Variants in HYCC2 observed in about 807,000 individuals in gnomAD.
HYCC2 encodes hyccin PI4KA lipid kinase complex subunit 2, also known as hyccin 2.
chr2:201,040,532 AG>A, the HYCC2 span, among the ~76,000 whole-genome samples: 1 of 149,880 alleles, frequency 6.7e-6, no homozygotes, highest in African/African-American at 2.5e-5. Context: ...TCTGTTGCCC[AG>A]GCTGGAGTGC....
chr2:201,021,020 G>A, the HYCC2 span, among the ~76,000 whole-genome samples: 5 of 152,052 alleles, frequency 3.3e-5, no homozygotes, highest in East Asian at 1.9e-4. Flanking sequence ...ACTCCGCTCC[G>A]CCTCCCAAAG....
At chr2:200,981,919 A>C in the HYCC2 span, 27 of 1,540,964 alleles carry the variant, frequency 1.8e-5, no homozygotes, top group East Asian at 4.5e-5. This position sits in a 1 kb window ranked among gnomAD's most constrained non-coding sequence, Gnocchi z 4.5. Context: ...ATTAAATAAG[A>C]AGCAGCTGTG....
At chr2:201,040,549 C>CA in the HYCC2 span, among the ~76,000 whole-genome samples, 2 of 150,856 alleles carry the variant, frequency 1.3e-5, no homozygotes, top group African/African-American at 4.9e-5. Context: ...AGTGCAGTGG[C>CA]AAAATCTCAG....
At chr2:201,040,932 C>A in the HYCC2 span, among the ~76,000 whole-genome samples, 1 of 152,110 alleles carries the variant, frequency 6.6e-6, no homozygotes, top group Non-Finnish European at 1.5e-5. Flanking sequence ...TCCTGAGGAT[C>A]ACATTTTGAT....
At chr2:200,976,388 T>C in the HYCC2 span, 1 of 152,192 alleles carries the variant, frequency 6.6e-6, no homozygotes, top group Non-Finnish European at 1.5e-5. Context: ...TGGACAGATA[T>C]TCCTTGCCAG....
At chr2:200,997,796 G>C in the HYCC2 span, among the ~76,000 whole-genome samples, 1 of 152,168 alleles carries the variant, frequency 6.6e-6, no homozygotes. Flanking sequence ...CCAGCACTTT[G>C]GGAGGCCGAA....
chr2:200,988,026 C>A, the HYCC2 span, among the ~76,000 whole-genome samples: 1 of 151,802 alleles, frequency 6.6e-6, no homozygotes. Flanking sequence ...CAAAAAAAGA[C>A]AAAATTTAAC....
chr2:201,017,474 C>T, the HYCC2 span, among the ~76,000 whole-genome samples: 1 of 151,972 alleles, frequency 6.6e-6, no homozygotes, highest in Admixed American at 6.6e-5. Flanking sequence ...AAGAATTTTC[C>T]TTTCTATTCT....
the HYCC2 span, among the ~76,000 whole-genome samples, chr2:201,034,780 G>C: frequency 6.6e-6 from 1 of 152,230 alleles, no homozygotes; most frequent in Non-Finnish European, 1.5e-5. Context: ...CTTCCTTCAG[G>C]AGCTCTTTTA....
At chr2:200,975,312 T>C in the HYCC2 span, 6 of 151,978 alleles carry the variant, frequency 3.9e-5, no homozygotes, top group Admixed American at 2.6e-4. Context: ...CTTTGGTAAA[T>C]TTTGTAATCA....
At chr2:200,981,294 AT>A in the HYCC2 span, 1 of 1,613,798 alleles carries the variant, frequency 6.2e-7, no homozygotes, top group Non-Finnish European at 8.5e-7. The surrounding 1 kb of genome is among the most constrained non-coding windows in gnomAD (Gnocchi z 4.5). Context: ...TTAGCTGCAT[AT>A]TGAAACTTGG....
chr2:201,012,445 G>A, the HYCC2 span, among the ~76,000 whole-genome samples: 5 of 152,126 alleles, frequency 3.3e-5, no homozygotes, highest in Non-Finnish European at 7.4e-5. Flanking sequence ...GGGTGACAGA[G>A]TGACACCCTG....
chr2:200,981,557 C>T, the HYCC2 span: 1 of 1,614,206 alleles, frequency 6.2e-7, no homozygotes, highest in East Asian at 2.2e-5. The surrounding 1 kb of genome is among the most constrained non-coding windows in gnomAD (Gnocchi z 4.5). Context: ...TTTGGCACCA[C>T]CTGGCCAGCA....
chr2:201,022,079 T>C, the HYCC2 span: 2 of 1,289,632 alleles, frequency 1.6e-6, no homozygotes, highest in Non-Finnish European at 2.0e-6. Flanking sequence ...TCAAACTCAC[T>C]CCAGTACACA....
chr2:200,996,488 T>A, the HYCC2 span: 3 of 151,502 alleles, frequency 2.0e-5, no homozygotes, highest in African/African-American at 2.4e-5. Context: ...TAGCCCAGCA[T>A]GGTGGTGGGC....
chr2:201,011,155 CA>C, the HYCC2 span, among the ~76,000 whole-genome samples: 1 of 151,716 alleles, frequency 6.6e-6, no homozygotes, highest in African/African-American at 2.4e-5. Context: ...AAAAAACAAA[CA>C]AACAAACAAA....
chr2:200,993,022 T>A, the HYCC2 span: 1 of 1,429,088 alleles, frequency 7.0e-7, no homozygotes, highest in Admixed American at 1.9e-5. Context: ...ATACACTATT[T>A]AACATGTGAT....
At chr2:201,011,200 A>G in the HYCC2 span, among the ~76,000 whole-genome samples, 1 of 152,240 alleles carries the variant, frequency 6.6e-6, no homozygotes, top group Admixed American at 6.5e-5. Flanking sequence ...TAAAAAAACA[A>G]AAGAACTAAA....
the HYCC2 span, among the ~76,000 whole-genome samples, chr2:201,043,273 C>G: frequency 6.6e-6 from 1 of 151,732 alleles, no homozygotes; most frequent in Admixed American, 6.6e-5. Flanking sequence ...TCTCAACTAC[C>G]CAGGGACACA....
Sources: allele counts gnomAD v4.1 joint callset (sites outside exome capture counted in the v4.1 genomes callset), GRCh38; gene constraint gnomAD v4.1.1; non-coding constraint Gnocchi (gnomAD v3.1); transcripts MANE v1.5; gene names NCBI Gene and HGNC (gene_info 2026-07-23, HGNC 2026-07-21).